The following STARD13 variants were observed in gnomAD, a reference collection of about 807,000 sequenced individuals.
STARD13 encodes the protein StAR related lipid transfer domain containing 13, also known as stAR-related lipid transfer protein 13.
In STARD13, 62 loss-of-function variants were observed where a neutral mutation model predicts 106.4. That is an observed-to-expected ratio of 0.58 (90% CI 0.48 to 0.72). The LOEUF is 0.72. Among genes scored for constraint, STARD13 ranks in the 30% least tolerant of loss-of-function variants. The pLI, the probability that STARD13 is intolerant of heterozygous loss-of-function variation, is 0.00. For synonymous variants in STARD13, 565 were observed against 553.0 expected, an observed-to-expected ratio of 1.02 and a Z score of -0.31; for missense variants, 1,387 against 1,424.0, an observed-to-expected ratio of 0.97 and a Z score of 0.42.
chr13:33,247,340 G>A (rs1342020211), intron 1 of STARD13, among the ~76,000 whole-genome samples: 3 of 152,150 alleles, frequency 2.0e-5, no homozygotes, highest in Non-Finnish European at 2.9e-5. Context: ...GACACTCTGA[G>A]TGGGGACTTA....
chr13:33,599,820 C>T, the STARD13 span, among the ~76,000 whole-genome samples: 1 of 152,116 alleles, frequency 6.6e-6, no homozygotes, highest in Non-Finnish European at 1.5e-5. Flanking sequence ...TTATACTTCT[C>T]AATATGAATA....
In STARD13 at chr13:33,308,279, G is replaced by A. The variant is rs1003504890; in HGVS notation, c.124+42011C>T. On this transcript the variant is annotated intron_variant, in intron 1 of 5. Coordinates refer to the STARD13 transcript ENST00000567873. Reference sequence around the variant, plus strand: ...CTAAAATGTTCCTTTGCATATAAGCGGTGTACAGACAGTGCATGGCGAAAA... The same window carrying A: ...CTAAAATGTTCCTTTGCATATAAGCAGTGTACAGACAGTGCATGGCGAAAA... 3.9e-5 allele frequency among the ~76,000 whole-genome samples: 6 copies of A among 152,062 alleles called. No homozygotes were observed. In the East Asian group the frequency reaches 5.8e-4, roughly 15 times the overall value.
chr13:33,600,018 G>A, the STARD13 span, among the ~76,000 whole-genome samples: 1 of 152,174 alleles, frequency 6.6e-6, no homozygotes, highest in Non-Finnish European at 1.5e-5. Context: ...GATCAAACTT[G>A]CTCTCACCCA....
the STARD13 span, among the ~76,000 whole-genome samples, chr13:33,463,169 A>T: frequency 0.028 from 4,265 of 152,254 alleles, 196 homozygotes; most frequent in African/African-American, 0.095. Context: ...AAAGAATTCA[A>T]GGGTGAGCCT....
At chr13:33,584,626 T>C in the STARD13 span, among the ~76,000 whole-genome samples, 2 of 152,274 alleles carry the variant, frequency 1.3e-5, no homozygotes, top group African/African-American at 4.8e-5. Flanking sequence ...ATGTCGAGCA[T>C]GTCTTTCTTT....
intron 1 of STARD13, among the ~76,000 whole-genome samples, chr13:33,212,178 A>C (rs1012452517): frequency 6.6e-6 from 1 of 152,166 alleles, no homozygotes; most frequent in Non-Finnish European, 1.5e-5. Context: ...TGTCCCCCTG[A>C]AGCTGACAGA....
intron 1 of STARD13, among the ~76,000 whole-genome samples, chr13:33,324,749 T>C (rs1480324839): frequency 1.3e-5 from 2 of 152,208 alleles, no homozygotes; most frequent in African/African-American, 4.8e-5. Context: ...ATTTAGATTA[T>C]CCCAAATCAA....
At chr13:33,193,551 ACTAGAAGCTTAG>A (rs1352683286) in intron 1 of STARD13, among the ~76,000 whole-genome samples, 1 of 152,188 alleles carries the variant, frequency 6.6e-6, no homozygotes, top group African/African-American at 2.4e-5. Context: ...GAGATGAGCA[ACTAGAAGCTTAG>A]AACACAACCA....
chr13:33,122,256 T>G (rs512890), intron 7 of STARD13, among the ~76,000 whole-genome samples: 2 of 152,034 alleles, frequency 1.3e-5, no homozygotes. Context: ...TGTTGGGATT[T>G]TAAGTGTGAG....
chr13:33,130,306 A>AAAAAT lies in STARD13; in HGVS notation c.388-18_388-17insATTTT. ...GTCGTCACCCTGCAGAGCACCAAGG[A>AAAAAT]AAATGCTCATTAGCAGACAGCGTGG... On this transcript the variant is annotated splice_polypyrimidine_tract_variant and intron_variant, in intron 4 of 13. Transcript: ENST00000336934. This position sits in a 1 kb window ranked among gnomAD's most constrained non-coding sequence, Gnocchi z 4.1. 1 of 1,594,156 alleles carries AAAAAT rather than the reference A, an allele frequency of 6.3e-7. No homozygotes were observed. Among genetic ancestry groups the AAAAAT allele is most frequent in the East Asian group, 2.2e-5 (1 of 44,810 alleles).
At chr13:33,468,094 A>T in the STARD13 span, among the ~76,000 whole-genome samples, 5 of 152,166 alleles carry the variant, frequency 3.3e-5, no homozygotes, top group African/African-American at 1.2e-4. Context: ...ACCATCCTGA[A>T]CTTCCCAGGA....
At chr13:33,149,905 T>C (rs1006416980) in intron 3 of STARD13, among the ~76,000 whole-genome samples, 2 of 152,204 alleles carry the variant, frequency 1.3e-5, no homozygotes, top group African/African-American at 4.8e-5. Flanking sequence ...AGTATCTGCT[T>C]CCCTTTAACT....
At chr13:33,165,289 T>C in intron 3 of STARD13, 48 bp downstream of exon 3, 1 of 1,389,742 alleles carries the variant, frequency 7.2e-7, no homozygotes, top group Middle Eastern at 1.8e-4. Context: ...GTGATGCCTG[T>C]TGCAGACTGA....
the STARD13 span, among the ~76,000 whole-genome samples, chr13:33,379,811 T>G: frequency 6.6e-6 from 1 of 152,216 alleles, no homozygotes; most frequent in Non-Finnish European, 1.5e-5. Flanking sequence ...ACATGCTTGC[T>G]TAGTCACTTT....
In STARD13 at chr13:33,105,608, T is replaced by C; in HGVS notation, c.3327A>G (p.Pro1109=). 2 of 1,612,874 alleles carry C rather than the reference T, an allele frequency of 1.2e-6. No homozygotes were observed. Among genetic ancestry groups the C allele is most frequent in the Non-Finnish European group, 1.7e-6 (2 of 1,178,762 alleles). The change falls in exon 14 of 14, where the codon CCA becomes CCG. Residue 1109 remains proline, a synonymous_variant. Transcript: ENST00000336934. ...NSFQPLIAEG[P]ETKI is the part of the protein sequence containing the mutation. ...TGGGCAAAACTCAGATTTTAGTTTCTGGGCCCTCAGCAATGAGGGGCTGGA... is the reference window on the plus strand; with the variant it reads ...TGGGCAAAACTCAGATTTTAGTTTCCGGGCCCTCAGCAATGAGGGGCTGGA...
the STARD13 span, among the ~76,000 whole-genome samples, chr13:33,360,263 G>A: frequency 6.6e-6 from 1 of 151,860 alleles, no homozygotes; most frequent in African/African-American, 2.4e-5. Flanking sequence ...GTAGTGCCAT[G>A]GCGCCATCTT....
intron 1 of STARD13, among the ~76,000 whole-genome samples, chr13:33,321,619 T>C (rs1204601887): frequency 6.6e-6 from 1 of 152,232 alleles, no homozygotes; most frequent in Non-Finnish European, 1.5e-5. Flanking sequence ...CAAAAATGAT[T>C]ATTAACTCCA....
intron 7 of STARD13, among the ~76,000 whole-genome samples, chr13:33,122,099 G>A (rs546380069): frequency 1.4e-4 from 21 of 152,254 alleles, no homozygotes; most frequent in African/African-American, 4.8e-4. Context: ...ACCAGCTTCG[G>A]CCTCCCAAAG....
At chr13:33,457,019 G>A in the STARD13 span, among the ~76,000 whole-genome samples, 3 of 152,232 alleles carry the variant, frequency 2.0e-5, no homozygotes, top group Non-Finnish European at 4.4e-5. Flanking sequence ...TGCCCCCAGG[G>A]CAAAGGAACT....
Sources: allele counts gnomAD v4.1 joint callset (sites outside exome capture counted in the v4.1 genomes callset), GRCh38; gene constraint gnomAD v4.1.1; non-coding constraint Gnocchi (gnomAD v3.1); transcripts MANE v1.5; gene names NCBI Gene and HGNC (gene_info 2026-07-23, HGNC 2026-07-21).